PCSK2: variants seen among roughly 807,000 people sequenced by gnomAD.
PCSK2 encodes proprotein convertase subtilisin/kexin type 2.
A neutral mutation model predicts 69.7 loss-of-function variants in PCSK2; 14 were observed. The ratio of observed to expected loss-of-function variants is 0.20; its 90% CI spans 0.13 to 0.31. The LOEUF is 0.31. Among genes scored for constraint, PCSK2 ranks in the 10% least tolerant of loss-of-function variants. The probability of loss-of-function intolerance (pLI) is 1.00; values close to 1 mark genes in which losing one functional copy is unlikely to be tolerated. For synonymous variants in PCSK2, 307 were observed against 320.7 expected (o/e 0.96, Z 0.46); for missense variants, 544 against 842.5 (o/e 0.65, Z 4.39).
Position 17,392,204 on chromosome 20 carries a change from C to T in PCSK2, c.544-17059C>T, listed in dbSNP as rs374128003. ...GGCCCTGAAGGAAACTACGCCTGTTCCTGTGATGAAATGACCTGACAGGAA... is the reference window on the plus strand; with the variant it reads ...GGCCCTGAAGGAAACTACGCCTGTTTCTGTGATGAAATGACCTGACAGGAA... On this transcript the variant is annotated intron_variant, in intron 5 of 11. Transcript: ENST00000262545. Among the ~76,000 whole-genome samples, 148 of 152,258 alleles carry T rather than the reference C, an allele frequency of 9.7e-4. 2 individuals carry two copies. The South Asian group carries it at 0.031, about 32-fold the overall frequency.
intron 8 of PCSK2, among the ~76,000 whole-genome samples, chr20:17,445,715 T>C (rs1485373405): frequency 6.6e-6 from 1 of 152,198 alleles, no homozygotes; most frequent in Non-Finnish European, 1.5e-5. Flanking sequence ...TGGCAGACGA[T>C]GAATGCCTCC....
At chr20:17,397,686 C>T (rs1426145796) in intron 5 of PCSK2, among the ~76,000 whole-genome samples, 1 of 152,116 alleles carries the variant, frequency 6.6e-6, no homozygotes. Flanking sequence ...ACCATCTTGG[C>T]CAGGCTGGTC....
At chr20:17,465,035 C>T in intron 10 of PCSK2, 1 of 423,292 alleles carries the variant, frequency 2.4e-6, no homozygotes. Context: ...ATCTTCAACA[C>T]TTAACATTGT....
intron 2 of PCSK2, among the ~76,000 whole-genome samples, chr20:17,335,597 C>A (rs115290224): frequency 6.6e-6 from 1 of 151,974 alleles, no homozygotes. Context: ...ACCCATCACC[C>A]GAGCATTGTA....
intron 6 of PCSK2, among the ~76,000 whole-genome samples, chr20:17,413,660 C>A (rs1211227827): frequency 1.3e-5 from 2 of 152,170 alleles, no homozygotes; most frequent in African/African-American, 4.8e-5. Context: ...CAGGCTTGAA[C>A]TCAGCTCTGG....
At chr20:17,411,093 T>C (rs1261246038) in intron 6 of PCSK2, among the ~76,000 whole-genome samples, 2 of 152,172 alleles carry the variant, frequency 1.3e-5, no homozygotes, top group Non-Finnish European at 2.9e-5. Context: ...AAAATACTCC[T>C]TAAAAAAACT....
At chr20:17,433,678 G>A (rs1338027110) in intron 7 of PCSK2, among the ~76,000 whole-genome samples, 1 of 152,176 alleles carries the variant, frequency 6.6e-6, no homozygotes, top group Non-Finnish European at 1.5e-5. Context: ...GGCCTGCCTG[G>A]GGTCAGATAG....
chr20:17,301,243 T>A (rs548411374), intron 2 of PCSK2, among the ~76,000 whole-genome samples: 1 of 152,192 alleles, frequency 6.6e-6, no homozygotes, highest in South Asian at 2.1e-4. Context: ...ATGCCAAGAG[T>A]TCTGTATCTC....
intron 2 of PCSK2, among the ~76,000 whole-genome samples, chr20:17,266,221 T>A (rs1432624448): frequency 6.6e-6 from 1 of 152,116 alleles, no homozygotes; most frequent in Non-Finnish European, 1.5e-5. Context: ...TGCCCTGGAG[T>A]GGCCTTGAAC....
intron 11 of PCSK2, among the ~76,000 whole-genome samples, chr20:17,476,704 C>G (rs972145747): frequency 6.6e-6 from 1 of 152,246 alleles, no homozygotes; most frequent in African/African-American, 2.4e-5. Context: ...TGGACTCGTA[C>G]TCTGAGACTC....
rs376510216 is a variant in PCSK2, at chr20:17,355,591, A to G, written c.283-2736A>G. Reference sequence around the variant, plus strand: ...TGGCTATGTTTCCAGGTGGAGAACTATACATTTACTTCAACATTTTAAACA... The same window carrying G: ...TGGCTATGTTTCCAGGTGGAGAACTGTACATTTACTTCAACATTTTAAACA... On this transcript the variant is annotated intron_variant, in intron 2 of 11. Coordinates refer to ENST00000262545, the MANE Select transcript of PCSK2 (RefSeq NM_002594.5). Among the ~76,000 whole-genome samples the G allele has an allele frequency of 2.0e-5, 3 of 152,266 alleles. No individual in the cohort carries two copies. In the East Asian group the frequency reaches 5.8e-4, roughly 29 times the overall value.
upstream of PCSK2, among the ~76,000 whole-genome samples, chr20:17,226,838 G>A (rs1985922607): frequency 6.9e-6 from 1 of 144,320 alleles, no homozygotes; most frequent in South Asian, 2.2e-4. Context: ...CCAGAAGGCG[G>A]AGGCGGCCGG....
At chr20:17,436,905 G>A (rs200950536) in intron 8 of PCSK2, 22 bp downstream of exon 8, 203 of 1,571,568 alleles carry the variant, frequency 1.3e-4, no homozygotes, top group Middle Eastern at 1.8e-4. Context: ...GGCCCCCTAG[G>A]CCCCGGCCAC....
At chr20:17,359,148 G>T (rs2208200) in intron 3 of PCSK2, among the ~76,000 whole-genome samples, 114,057 of 152,112 alleles carry the variant, frequency 0.75, 43,026 homozygotes, top group African/African-American at 0.81. Context: ...GAATGAAGCT[G>T]TATTTTATTT....
At chr20:17,234,464 C>T (rs1275400797) in intron 1 of PCSK2, among the ~76,000 whole-genome samples, 5 of 152,154 alleles carry the variant, frequency 3.3e-5, no homozygotes, top group African/African-American at 1.2e-4. Context: ...ATCCATTTCT[C>T]TATAGGCAGC....
intron 4 of PCSK2, among the ~76,000 whole-genome samples, chr20:17,364,475 G>A (rs1040080093): frequency 2.0e-5 from 3 of 152,196 alleles, no homozygotes; most frequent in African/African-American, 7.2e-5. Context: ...CACGATCATG[G>A]CGGGAGATGA....
In PCSK2 at chr20:17,483,486, TC is replaced by T. The variant is rs1372413559; in HGVS notation, c.*1419del. The T allele has an allele frequency of 6.6e-5, 10 of 152,328 alleles. No individual in the cohort carries two copies. The highest frequency in any genetic ancestry group is 5.9e-4 in the Admixed American group (9 of 15,306). 9.4% of individuals were successfully genotyped at this position (152,328 alleles called of 1,614,324 possible). A position where few individuals can be genotyped will look rare whatever the true frequency, so the allele number is the denominator to read the frequency against. The stretch of plus-strand genomic sequence containing the variant: ...ATCCCCAGTCCCAATGCACATCCAT[TC>T]CCAAGAAATGCTTTGTCTTCAGCCT... On this transcript the variant is annotated 3_prime_UTR_variant, in exon 12 of 12. Transcript: ENST00000262545.
chr20:17,479,757 A>C (rs185894096), intron 11 of PCSK2, among the ~76,000 whole-genome samples: 3 of 141,896 alleles, frequency 2.1e-5, no homozygotes, highest in Middle Eastern at 4.0e-3. Context: ...AGATGGCGCC[A>C]CTGCACTCCA....
At chr20:17,303,445 A>C (rs1989170593) in intron 2 of PCSK2, among the ~76,000 whole-genome samples, 1 of 51,318 alleles carries the variant, frequency 1.9e-5, no homozygotes, top group Non-Finnish European at 4.0e-5. Flanking sequence ...ATAATATAAT[A>C]TATATTATAT....
Sources: allele counts gnomAD v4.1 joint callset (sites outside exome capture counted in the v4.1 genomes callset), GRCh38; gene constraint gnomAD v4.1.1; transcripts MANE v1.5; gene names NCBI Gene and HGNC (gene_info 2026-07-23, HGNC 2026-07-21).